DPH6: variants seen among roughly 807,000 people sequenced by gnomAD.
DPH6 encodes the protein diphthamine biosynthesis 6.
In DPH6, 33 loss-of-function variants were observed where a neutral mutation model predicts 38.2. The observed-to-expected ratio is 0.86, with a 90% CI of 0.65 to 1.15. The LOEUF is 1.15. DPH6 is among the 50% of genes most tolerant of loss of function. The probability of loss-of-function intolerance (pLI) is 0.00; values close to 1 mark genes in which losing one functional copy is unlikely to be tolerated. For synonymous variants in DPH6, 108 were observed against 103.0 expected, an observed-to-expected ratio of 1.05 and a Z score of -0.30; for missense variants, 325 against 320.0, an observed-to-expected ratio of 1.02 and a Z score of -0.12.
At chr15:35,271,787 G>A (rs1245499031) in intron 3 of DPH6, among the ~76,000 whole-genome samples, 1 of 152,158 alleles carries the variant, frequency 6.6e-6, no homozygotes, top group Non-Finnish European at 1.5e-5. Context: ...GCTACGCTGC[G>A]AGGTAGAGCA....
At chr15:35,374,264 AT>A (rs1293474944) in intron 7 of DPH6, among the ~76,000 whole-genome samples, 1 of 152,072 alleles carries the variant, frequency 6.6e-6, no homozygotes, top group East Asian at 1.9e-4. Flanking sequence ...ATAATGAATT[AT>A]TTTTTATTGT....
chr15:35,212,695 G>A (rs2051394235), downstream of DPH6, among the ~76,000 whole-genome samples: 1 of 152,186 alleles, frequency 6.6e-6, no homozygotes, highest in Non-Finnish European at 1.5e-5. Flanking sequence ...CTAAGTCATT[G>A]CCAAATCGTG....
the DPH6 span, among the ~76,000 whole-genome samples, chr15:35,150,075 C>A: frequency 6.6e-6 from 1 of 152,178 alleles, no homozygotes; most frequent in Admixed American, 6.5e-5. Flanking sequence ...AGGATCTGGT[C>A]CACTGGGAGT....
chr15:35,287,604 A>C (rs1167568452), intron 3 of DPH6, among the ~76,000 whole-genome samples: 2 of 152,158 alleles, frequency 1.3e-5, no homozygotes, highest in Non-Finnish European at 2.9e-5. Context: ...AATTATAACC[A>C]TCTGAGAAAA....
rs933277971 is a variant in DPH6 at position 35,372,207 on chromosome 15, A to T, written c.751-4T>A. 3.2e-5 allele frequency: 44 copies of T among 1,353,992 alleles called. No homozygotes were observed. The highest frequency in any genetic ancestry group is 4.2e-5 in the Non-Finnish European group (44 of 1,053,522). The allele number at this position is 1,353,992 out of a possible 1,614,324, so 83.9% of individuals were successfully genotyped here. A position where few individuals can be genotyped will look rare whatever the true frequency, so the allele number is the denominator to read the frequency against. ...AGTTGTCAGGCACTGAGGACACCTA[A>T]AAAAAAAAGGGAAGGAAAGGGAAGG... On this transcript the variant is annotated splice_polypyrimidine_tract_variant and splice_region_variant and intron_variant, in intron 8 of 8. Coordinates refer to ENST00000256538, the MANE Select transcript of DPH6 (RefSeq NM_080650.4).
downstream of DPH6, among the ~76,000 whole-genome samples, chr15:35,370,037 C>T (rs1007170344): frequency 4.0e-5 from 6 of 151,782 alleles, no homozygotes; most frequent in African/African-American, 1.4e-4. Context: ...GTGGAACAGA[C>T]TGGGGAGCCC....
At chr15:35,344,674 AT>A (rs1296464302) in intron 3 of DPH6, among the ~76,000 whole-genome samples, 1 of 151,558 alleles carries the variant, frequency 6.6e-6, no homozygotes, top group African/African-American at 2.4e-5. Context: ...CACGGTTTAA[AT>A]TATAAACAAA....
the DPH6 span, among the ~76,000 whole-genome samples, chr15:35,172,129 G>A: frequency 1.3e-5 from 2 of 152,132 alleles, no homozygotes. Context: ...GCCTCCCAAA[G>A]TGCTGGGATT....
intron 3 of DPH6, among the ~76,000 whole-genome samples, chr15:35,272,800 T>A (rs1049331857): frequency 2.0e-5 from 3 of 151,650 alleles, no homozygotes; most frequent in Non-Finnish European, 4.4e-5. Flanking sequence ...CCAGCTACTC[T>A]GGAGGCTGAG....
intron 3 of DPH6, among the ~76,000 whole-genome samples, chr15:35,333,224 T>C (rs986858107): frequency 2.0e-5 from 3 of 152,186 alleles, no homozygotes; most frequent in African/African-American, 2.4e-5. Flanking sequence ...CAGATTGATA[T>C]TGGTGATGCA....
the DPH6 span, among the ~76,000 whole-genome samples, chr15:35,212,208 G>C: frequency 3.3e-5 from 5 of 152,106 alleles, no homozygotes. Flanking sequence ...AATTCAGTGG[G>C]AAACTGTGGA....
Position 35,381,871 on chromosome 15 carries a change from A to G in DPH6, c.613T>C (p.Tyr205His). 1 of 1,613,732 alleles carries G rather than the reference A, an allele frequency of 6.2e-7. No homozygotes were observed. The highest frequency in any genetic ancestry group is 1.1e-5 in the South Asian group (1 of 91,056). ...GVHVCGEGGE[Y>H]ETFTLDCPLF... The stretch of plus-strand genomic sequence containing the variant: ...GGGCAATCCAAAGTGAAAGTTTCAT[A>G]CTCTCCACCTTCTCCACAAACATGT... The change falls in exon 7 of 9, where the codon TAT becomes CAT. Residue 205 changes from tyrosine to histidine, a missense_variant. Tyr to His is a moderately conservative substitution (Grantham distance 83). Coordinates refer to ENST00000256538, the MANE Select transcript of DPH6 (RefSeq NM_080650.4).
chr15:35,304,312 C>T (rs1415030784), intron 3 of DPH6, among the ~76,000 whole-genome samples: 1 of 152,060 alleles, frequency 6.6e-6, no homozygotes, highest in Non-Finnish European at 1.5e-5. Context: ...AATACATTAC[C>T]TTCCTTGATT....
At chr15:35,234,765 T>C (rs2140395293) in intron 3 of DPH6, among the ~76,000 whole-genome samples, 1 of 152,358 alleles carries the variant, frequency 6.6e-6, no homozygotes, top group South Asian at 2.1e-4. Flanking sequence ...AGTATTTTTG[T>C]TGGGAAAATT....
rs35551024 is a variant in DPH6, at chr15:35,523,240, CTTTTTTTTTTT to C, written c.312+15023_312+15033del. Among the ~76,000 whole-genome samples the C allele has an allele frequency of 1.1e-4, 11 of 100,078 alleles. No individual in the cohort carries two copies. In the East Asian group the frequency reaches 3.2e-3, roughly 30 times the overall value. 65.7% of individuals were successfully genotyped at this position (100,078 alleles called of 152,430 possible). On this transcript the variant is annotated intron_variant, in intron 3 of 8. Transcript: ENST00000256538. The stretch of plus-strand genomic sequence containing the variant: ...TTTTGAGTTAGTGAAGTTACACATT[CTTTTTTTTTTT>C]TTTTTTTTGGTCATTTGAATGTACT...
intron 5 of DPH6, among the ~76,000 whole-genome samples, chr15:35,427,102 AATGAGGAC>A (rs1326277232): frequency 6.6e-6 from 1 of 151,878 alleles, no homozygotes; most frequent in African/African-American, 2.4e-5. Flanking sequence ...CTCCTCTGGT[AATGAGGAC>A]AGCAAGTAAA....
chr15:35,297,891 A>T (rs1019139413), intron 3 of DPH6, among the ~76,000 whole-genome samples: 1 of 152,108 alleles, frequency 6.6e-6, no homozygotes, highest in Non-Finnish European at 1.5e-5. Context: ...TTGGTGGCCA[A>T]GGCAAAAACC....
chr15:35,440,445 A>G (rs1322696294), intron 5 of DPH6, among the ~76,000 whole-genome samples: 2 of 152,168 alleles, frequency 1.3e-5, no homozygotes, highest in East Asian at 3.9e-4. Context: ...TCGAACTCCA[A>G]ACAGTCATGC....
the DPH6 span, among the ~76,000 whole-genome samples, chr15:35,153,719 C>G: frequency 6.6e-6 from 1 of 151,622 alleles, no homozygotes; most frequent in Non-Finnish European, 1.5e-5. Context: ...GAGAGAAAGA[C>G]AGAGAGAGAG....
Sources: allele counts gnomAD v4.1 joint callset (sites outside exome capture counted in the v4.1 genomes callset), GRCh38; gene constraint gnomAD v4.1.1; transcripts MANE v1.5; gene names NCBI Gene and HGNC (gene_info 2026-07-23, HGNC 2026-07-21).